Variants in SMAP1 observed in about 807,000 individuals in gnomAD.
SMAP1 encodes the protein small ArfGAP 1.
SMAP1 carries 24 observed loss-of-function variants against 58.5 expected under a neutral mutation model. The ratio of observed to expected loss-of-function variants is 0.41; its 90% CI spans 0.30 to 0.58. The LOEUF (loss-of-function observed/expected upper bound fraction) is 0.58. Ranked by LOEUF, SMAP1 falls within the 20% of genes least tolerant of loss-of-function variation. SMAP1 has a pLI of 0.29. For synonymous variants in SMAP1, 216 were observed against 196.6 expected (o/e 1.10, Z -0.82); for missense variants, 563 against 566.3 (o/e 0.99, Z 0.06).
chr6:70,818,589 C>A (rs1041482528), intron 6 of SMAP1, among the ~76,000 whole-genome samples: 4 of 152,166 alleles, frequency 2.6e-5, no homozygotes, highest in Non-Finnish European at 5.9e-5. Flanking sequence ...ATCAAACCTG[C>A]TTCCCGTAGT....
chr6:70,770,693 A>C (rs1339185464), intron 3 of SMAP1, among the ~76,000 whole-genome samples: 1 of 152,056 alleles, frequency 6.6e-6, no homozygotes, highest in Non-Finnish European at 1.5e-5. Context: ...CTTTGGTTTG[A>C]ATTTCCTCTT....
At chr6:70,834,345 ATGG>A in intron 6 of SMAP1, among the ~76,000 whole-genome samples, 1 of 149,050 alleles carries the variant, frequency 6.7e-6, no homozygotes, top group Non-Finnish European at 1.5e-5. Flanking sequence ...GCTTTTTTCC[ATGG>A]AAGAAGATTC....
At chr6:70,695,784 C>G (rs1767377786) in intron 1 of SMAP1, among the ~76,000 whole-genome samples, 1 of 152,088 alleles carries the variant, frequency 6.6e-6, no homozygotes, top group Admixed American at 6.6e-5. Context: ...GTGATACTAG[C>G]CTTGTAGAAT....
At chr6:70,806,371 G>C (rs1057063134) in intron 6 of SMAP1, among the ~76,000 whole-genome samples, 10 of 152,242 alleles carry the variant, frequency 6.6e-5, no homozygotes, top group Admixed American at 6.5e-4. Context: ...GGAAAATACA[G>C]TATTTAGGCA....
At chr6:70,799,341 A>G (rs1369491794) in intron 6 of SMAP1, among the ~76,000 whole-genome samples, 8 of 152,172 alleles carry the variant, frequency 5.3e-5, no homozygotes, top group Non-Finnish European at 1.0e-4. Context: ...GCAGCACTTC[A>G]AATTCTAAAG....
At chr6:70,810,556 A>G (rs1769342323) in intron 6 of SMAP1, among the ~76,000 whole-genome samples, 1 of 152,096 alleles carries the variant, frequency 6.6e-6, no homozygotes, top group Non-Finnish European at 1.5e-5. Context: ...GTCATTTGAC[A>G]ATATTTTGAC....
Position 70,800,423 on chromosome 6 carries a change from A to T in SMAP1, c.576+1686A>T, listed in dbSNP as rs9455231. ...GATTTGTAGCTCTCTATACACATAT[A>T]CATAATGTATGGGAGATACTAGTCC... On this transcript the variant is annotated intron_variant, in intron 6 of 10. Transcript: ENST00000370455. Among the ~76,000 whole-genome samples the T allele has an allele frequency of 6.3e-3, 958 of 152,256 alleles. 6 individuals carry two copies. The highest frequency in any genetic ancestry group is 0.022 in the African/African-American group (916 of 41,538).
At chr6:70,753,904 T>C (rs896028523) in intron 2 of SMAP1, among the ~76,000 whole-genome samples, 1 of 151,968 alleles carries the variant, frequency 6.6e-6, no homozygotes, top group Non-Finnish European at 1.5e-5. Flanking sequence ...TGAGGAAGAA[T>C]AGATACCTAG....
At chr6:70,775,058 A>G (rs1767492674) in intron 4 of SMAP1, among the ~76,000 whole-genome samples, 1 of 152,044 alleles carries the variant, frequency 6.6e-6, no homozygotes, top group Non-Finnish European at 1.5e-5. Flanking sequence ...TGTGTATTTT[A>G]GAGCAAAGAT....
intron 3 of SMAP1, among the ~76,000 whole-genome samples, chr6:70,770,512 C>G (rs555949625): frequency 6.6e-6 from 1 of 152,322 alleles, no homozygotes; most frequent in East Asian, 1.9e-4. Context: ...TCTTCCATCA[C>G]TGACACCCTT....
intron 2 of SMAP1, among the ~76,000 whole-genome samples, chr6:70,734,004 T>G (rs554436203): frequency 0.012 from 246 of 21,092 alleles, 4 homozygotes; most frequent in African/African-American, 0.017. Context: ...ATATATTGGA[T>G]TTTTTTTTTT....
At chr6:70,858,373 GTATC>G (rs1420396216) in intron 10 of SMAP1, 144 bp downstream of exon 10, 14 of 639,752 alleles carry the variant, frequency 2.2e-5, no homozygotes, top group Non-Finnish European at 3.4e-5. Flanking sequence ...AGGGTCAAAA[GTATC>G]TATAAATATT....
chr6:70,741,704 G>A (rs1765819983), intron 2 of SMAP1, among the ~76,000 whole-genome samples: 1 of 152,192 alleles, frequency 6.6e-6, no homozygotes, highest in African/African-American at 2.4e-5. Flanking sequence ...CTCTGTGTGG[G>A]GGCTTGCATG....
chr6:70,844,852 T>G (rs577836121), intron 7 of SMAP1, among the ~76,000 whole-genome samples: 1 of 152,240 alleles, frequency 6.6e-6, no homozygotes, highest in East Asian at 1.9e-4. Flanking sequence ...GCTTATTGAG[T>G]AGAAAATAAA....
intron 6 of SMAP1, among the ~76,000 whole-genome samples, chr6:70,804,242 GCTTT>G (rs1270445071): frequency 2.6e-5 from 4 of 151,622 alleles, no homozygotes; most frequent in East Asian, 1.9e-4. Context: ...TTATGTAATG[GCTTT>G]CTTTGTCTCT....
At chr6:70,703,733 T>C (rs1767729676) in intron 1 of SMAP1, among the ~76,000 whole-genome samples, 1 of 152,218 alleles carries the variant, frequency 6.6e-6, no homozygotes, top group Non-Finnish European at 1.5e-5. Context: ...ACTTTTTGCA[T>C]GTTTAAGGAG....
chr6:70,712,777 CTTTT>C (rs1414946861), intron 1 of SMAP1, among the ~76,000 whole-genome samples: 1 of 144,140 alleles, frequency 6.9e-6, no homozygotes, highest in Non-Finnish European at 1.5e-5. Context: ...CTTTTCTTTT[CTTTT>C]TTCTTTTTTT....
At chr6:70,668,868 G>A (rs948436890) in intron 1 of SMAP1, among the ~76,000 whole-genome samples, 1 of 152,144 alleles carries the variant, frequency 6.6e-6, no homozygotes, top group African/African-American at 2.4e-5. Context: ...GAAGATTTTA[G>A]TAATTAGGTT....
intron 4 of SMAP1, among the ~76,000 whole-genome samples, chr6:70,789,945 G>T (rs1768271079): frequency 6.6e-6 from 1 of 152,012 alleles, no homozygotes; most frequent in African/African-American, 2.4e-5. Flanking sequence ...GGCCACATCA[G>T]CTTATCATCT....
Sources: allele counts gnomAD v4.1 joint callset (sites outside exome capture counted in the v4.1 genomes callset), GRCh38; gene constraint gnomAD v4.1.1; transcripts MANE v1.5; gene names NCBI Gene and HGNC (gene_info 2026-07-23, HGNC 2026-07-21).